SVOPL: variants seen among roughly 807,000 people sequenced by gnomAD.
SVOPL encodes putative transporter SVOPL.
SVOPL carries 60 observed loss-of-function variants against 61.0 expected under a neutral mutation model. That is an observed-to-expected ratio of 0.98 (90% confidence interval 0.80 to 1.22). The LOEUF is 1.22. Among genes scored for constraint, SVOPL ranks in the 50% most tolerant of loss-of-function variants. The pLI, the probability that SVOPL is intolerant of heterozygous loss-of-function variation, is 0.00. For missense variants in SVOPL, 662 were observed against 643.9 expected (o/e 1.03, Z -0.30); for synonymous variants, 279 against 250.0 (o/e 1.12, Z -1.09).
In SVOPL at chr7:138,625,955, G is replaced by A. The variant is rs372663979; in HGVS notation, c.1263+14C>T. On this transcript the variant is annotated intron_variant, in intron 13 of 15. Coordinates refer to ENST00000674285, the MANE Select transcript of SVOPL (RefSeq NM_001139456.2). ...TACACACCCTTTGTAAGCAAGCCTT[G>A]CATGAAAACTCACCTCAGCTGTGTA... The A allele has an allele frequency of 2.5e-5, 40 of 1,613,578 alleles. No individual in the cohort carries two copies. Among genetic ancestry groups the A allele is most frequent in the Non-Finnish European group, 3.4e-5 (40 of 1,179,764 alleles).
At chr7:138,637,427 C>CATATATAT (rs377328822) in intron 9 of SVOPL, among the ~76,000 whole-genome samples, 23 of 71,430 alleles carry the variant, frequency 3.2e-4, no homozygotes, top group African/African-American at 6.5e-4. Flanking sequence ...GACTCCATCT[C>CATATATAT]ATATATATAT....
intron 13 of SVOPL, among the ~76,000 whole-genome samples, chr7:138,622,688 C>T (rs1288371235): frequency 6.6e-6 from 1 of 152,062 alleles, no homozygotes; most frequent in South Asian, 2.1e-4. Context: ...TATCAAACTC[C>T]TGGGCTCAGG....
chr7:138,647,706 G>C (rs1801188882), intron 8 of SVOPL, among the ~76,000 whole-genome samples: 1 of 151,798 alleles, frequency 6.6e-6, no homozygotes, highest in Non-Finnish European at 1.5e-5. Flanking sequence ...AAATTAGTCG[G>C]GCGTGGTGGT....
intron 14 of SVOPL, among the ~76,000 whole-genome samples, chr7:138,611,535 T>A (rs952048294): frequency 6.6e-6 from 1 of 152,152 alleles, no homozygotes; most frequent in African/African-American, 2.4e-5. Context: ...TCTGAAAAAA[T>A]TAAATGGATG....
chr7:138,680,571 T>TTGTGTGTGTG lies in SVOPL; in HGVS notation c.-34-1502_-34-1493dup, dbSNP rs60027714. Among the ~76,000 whole-genome samples, 375 of 148,110 alleles carry TTGTGTGTGTG rather than the reference T, an allele frequency of 2.5e-3. 1 individual carries two copies. Among genetic ancestry groups the TTGTGTGTGTG allele is most frequent in the African/African-American group, 7.4e-3 (298 of 40,386 alleles). On this transcript the variant is annotated intron_variant, in intron 1 of 15. Transcript: ENST00000674285. ...GTCAGTGGCTTACCCACACAGACTT[T>TTGTGTGTGTG]TGTGTGTGTGTGTGTGTGTGTGTGT...
chr7:138,632,710 AG>A (rs1491097263), intron 9 of SVOPL, among the ~76,000 whole-genome samples: 1 of 137,668 alleles, frequency 7.3e-6, no homozygotes, highest in East Asian at 2.3e-4. Context: ...GATGGGAGAC[AG>A]GGGGTTGTGG....
Position 138,596,401 on chromosome 7 carries a change from T to G in SVOPL, c.1467+16A>C. 1 of 1,612,286 alleles carries G rather than the reference T, an allele frequency of 6.2e-7. No individual in the cohort carries two copies. The highest frequency in any genetic ancestry group is 8.5e-7 in the Non-Finnish European group (1 of 1,178,884). On this transcript the variant is annotated intron_variant, in intron 15 of 15. Transcript: ENST00000674285. ...GTGGTAGTTGAAAAGACTTCAGAGT[T>G]CCCTGCATCACTCACCTGGAGGGCC...
intron 14 of SVOPL, among the ~76,000 whole-genome samples, chr7:138,607,310 C>A (rs1207177169): frequency 6.6e-6 from 1 of 152,062 alleles, no homozygotes; most frequent in Non-Finnish European, 1.5e-5. Flanking sequence ...ATGGATGATA[C>A]CATCTCAATG....
chr7:138,668,890 G>C (rs1318737909), intron 4 of SVOPL, among the ~76,000 whole-genome samples: 1 of 152,120 alleles, frequency 6.6e-6, no homozygotes, highest in East Asian at 1.9e-4. Context: ...TCTGCCACCT[G>C]ACTGCCATCC....
intron 3 of SVOPL, among the ~76,000 whole-genome samples, chr7:138,674,180 T>G (rs1802498245): frequency 6.9e-6 from 1 of 145,348 alleles, no homozygotes; most frequent in Admixed American, 7.0e-5. Flanking sequence ...AGAACAAGAC[T>G]TCGTCTCCCA....
At chr7:138,624,809 T>TG (rs1233541331) in intron 13 of SVOPL, among the ~76,000 whole-genome samples, 3 of 151,998 alleles carry the variant, frequency 2.0e-5, no homozygotes, top group African/African-American at 7.2e-5. Context: ...GCAATCCTCC[T>TG]GCCTCAGCCT....
chr7:138,657,138 A>G lies in SVOPL; in HGVS notation c.471-627T>C, dbSNP rs78988780. ...CCTGATTCCCTTTTCTTATTTGTTT[A>G]TTTATTTATTTATTTATTTATTTAT... On this transcript the variant is annotated intron_variant, in intron 6 of 15. Transcript: ENST00000674285. Among the ~76,000 whole-genome samples, 220 of 65,384 alleles carry G rather than the reference A, an allele frequency of 3.4e-3. 1 individual carries two copies. In the East Asian group the frequency reaches 0.068, roughly 20 times the overall value. 42.9% of individuals were successfully genotyped at this position (65,384 alleles called of 152,430 possible). A position where few individuals can be genotyped will look rare whatever the true frequency, so the allele number is the denominator to read the frequency against.
chr7:138,688,850 T>C (rs1280038129), intron 1 of SVOPL: 1 of 369,310 alleles, frequency 2.7e-6, no homozygotes, highest in Admixed American at 3.7e-5. Flanking sequence ...TCAAAATTTA[T>C]ATATGGAAGA....
intron 9 of SVOPL, among the ~76,000 whole-genome samples, chr7:138,644,303 A>G (rs1800984343): frequency 6.6e-6 from 1 of 151,916 alleles, no homozygotes; most frequent in South Asian, 2.1e-4. Context: ...CTCTAGAGCC[A>G]ATTTCACCAA....
chr7:138,611,921 C>A (rs1481126770), intron 14 of SVOPL, among the ~76,000 whole-genome samples: 1 of 29,324 alleles, frequency 3.4e-5, no homozygotes, highest in Non-Finnish European at 7.0e-5. Context: ...GAGAACGGGC[C>A]AGGATGACAA....
At chr7:138,673,922 C>T (rs966302797) in intron 3 of SVOPL, among the ~76,000 whole-genome samples, 17 of 152,052 alleles carry the variant, frequency 1.1e-4, no homozygotes, top group East Asian at 3.9e-4. Context: ...AGGTGGCTTA[C>T]GCCTGTAATC....
rs535555808 is a variant in SVOPL, at chr7:138,661,216, G to C, written c.346-1228C>G. ...AAGCAAATAGAAAAGACAGACCTGGGTTTGTAATCAGAAGACATAATTTAT... is the reference window on the plus strand; with the variant it reads ...AAGCAAATAGAAAAGACAGACCTGGCTTTGTAATCAGAAGACATAATTTAT... On this transcript the variant is annotated intron_variant, in intron 5 of 15. Transcript: ENST00000674285. 5.0e-3 allele frequency: 4,961 copies of C among 985,324 alleles called. 14 individuals carry two copies. Among genetic ancestry groups the C allele is most frequent in the Non-Finnish European group, 5.7e-3 (4,732 of 829,896 alleles). 61.0% of individuals were successfully genotyped at this position (985,324 alleles called of 1,614,324 possible).
At chr7:138,684,114 C>T (rs369572417) in intron 1 of SVOPL, among the ~76,000 whole-genome samples, 47 of 151,940 alleles carry the variant, frequency 3.1e-4, no homozygotes, top group African/African-American at 1.0e-3. Context: ...TCTATAATCC[C>T]AGCACTTTGG....
chr7:138,643,864 A>G (rs555527204), intron 9 of SVOPL, among the ~76,000 whole-genome samples: 16 of 152,262 alleles, frequency 1.1e-4, no homozygotes, highest in African/African-American at 3.4e-4. Context: ...AATGTACTTA[A>G]TATCACTGAA....
Sources: gnomAD v4.1 joint callset for allele counts (sites outside exome capture counted in the v4.1 genomes callset) on GRCh38, gnomAD v4.1.1 for gene constraint, MANE v1.5 for transcripts, NCBI Gene and HGNC (gene_info 2026-07-23, HGNC 2026-07-21) for gene names.